Variants in MARCHF7 observed in about 807,000 individuals in gnomAD.
The protein encoded by MARCHF7 is E3 ubiquitin-protein ligase MARCHF7.
Under a neutral mutation model 76.5 loss-of-function variants are expected in MARCHF7, and 20 were observed. That is an observed-to-expected ratio of 0.26 (90% CI 0.18 to 0.38). The LOEUF (loss-of-function observed/expected upper bound fraction) is 0.38. Among genes scored for constraint, MARCHF7 ranks in the 10% least tolerant of loss-of-function variants. MARCHF7 has a pLI of 1.00. For missense variants in MARCHF7, 797 were observed against 812.9 expected, an observed-to-expected ratio of 0.98 and a Z score of 0.24; for synonymous variants, 295 against 293.0, an observed-to-expected ratio of 1.01 and a Z score of -0.07.
At chr2:159,734,043 AATG>A (rs1440027130) in intron 4 of MARCHF7, 15 of 1,356,356 alleles carry the variant, frequency 1.1e-5, no homozygotes, top group African/African-American at 1.4e-5. Context: ...TCACAATTTG[AATG>A]ATTGGCAACT....
chr2:159,762,721 ATTCT>A (rs902669149), intron 9 of MARCHF7, among the ~76,000 whole-genome samples, 155 bp from the exon 10 acceptor site: 2 of 152,188 alleles, frequency 1.3e-5, no homozygotes, highest in Non-Finnish European at 2.9e-5. Flanking sequence ...TTATAAAGAT[ATTCT>A]TTTTTTCTCA....
intron 4 of MARCHF7, chr2:159,734,053 A>T (rs1703150557): frequency 7.4e-7 from 1 of 1,358,456 alleles, no homozygotes; most frequent in African/African-American, 1.4e-5. Context: ...AATGATTGGC[A>T]ACTATGATCA....
intron 9 of MARCHF7, among the ~76,000 whole-genome samples, chr2:159,761,189 A>AT (rs1370635712): frequency 2.0e-5 from 3 of 150,908 alleles, no homozygotes; most frequent in Non-Finnish European, 3.0e-5. Flanking sequence ...CACCAGGCTA[A>AT]TTTTTTGAAT....
chr2:159,728,952 G>A, intron 3 of MARCHF7, 57 bp from the exon 4 acceptor site: 1 of 1,051,964 alleles, frequency 9.5e-7, no homozygotes, highest in Non-Finnish European at 1.4e-6. Flanking sequence ...GGAGGATTAA[G>A]CATTAAAGGC....
At position 159,722,755 on chromosome 2, in the gene MARCHF7, CA is replaced by C. The variant is rs1400742160; in HGVS notation, c.-14-6253del. On this transcript the variant is annotated intron_variant, in intron 3 of 11. Transcript: ENST00000409175. ...ACCTACAACTTACGCAACCAAATTA[CA>C]TAAGTTTTCATGTAACACCTACATT... Among the ~76,000 whole-genome samples, 118 of 152,202 alleles carry C rather than the reference CA, an allele frequency of 7.8e-4. 1 individual carries two copies. Among genetic ancestry groups the C allele is most frequent in the Non-Finnish European group, 2.8e-4 (19 of 68,028 alleles).
intron 3 of MARCHF7, among the ~76,000 whole-genome samples, chr2:159,727,189 G>T (rs1702270429): frequency 6.6e-6 from 1 of 152,166 alleles, no homozygotes. Flanking sequence ...GAACATTAGG[G>T]TAAGGGAAAT....
At chr2:159,713,343 C>T (rs1700506205) in intron 1 of MARCHF7, among the ~76,000 whole-genome samples, 1 of 152,170 alleles carries the variant, frequency 6.6e-6, no homozygotes. Flanking sequence ...CACCCCCTCA[C>T]CCCAAAATGC....
chr2:159,739,074 G>C (rs758271807), intron 4 of MARCHF7, among the ~76,000 whole-genome samples: 4 of 152,302 alleles, frequency 2.6e-5, no homozygotes, highest in African/African-American at 9.6e-5. Context: ...GCCCAAGCTT[G>C]GCCAAAACTT....
intron 8 of MARCHF7, among the ~76,000 whole-genome samples, chr2:159,758,486 T>G (rs921794840): frequency 2.0e-5 from 3 of 152,320 alleles, no homozygotes; most frequent in African/African-American, 7.2e-5. Flanking sequence ...AAGCAGTAAC[T>G]CCTTACTTCC....
intron 11 of MARCHF7, among the ~76,000 whole-genome samples, chr2:159,765,904 CTT>C (rs984557528): frequency 1.2e-4 from 18 of 152,224 alleles, no homozygotes; most frequent in East Asian, 1.2e-3. Context: ...ACAAAGGTCT[CTT>C]CTTTGTTTTT....
intron 9 of MARCHF7, among the ~76,000 whole-genome samples, 164 bp from the exon 10 acceptor site, chr2:159,762,714 TAA>T (rs1195074749): frequency 8.5e-5 from 13 of 152,340 alleles, no homozygotes; most frequent in Middle Eastern, 3.4e-3. Flanking sequence ...TATGAAATTA[TAA>T]AGATATTCTT....
intron 4 of MARCHF7, among the ~76,000 whole-genome samples, chr2:159,741,760 T>A (rs1407208440): frequency 2.0e-5 from 3 of 152,236 alleles, no homozygotes; most frequent in African/African-American, 7.2e-5. Context: ...ATAAACTATT[T>A]ACCACATACT....
At chr2:159,728,843 C>T (rs1346903930) in intron 3 of MARCHF7, among the ~76,000 whole-genome samples, 166 bp from the exon 4 acceptor site, 1 of 152,164 alleles carries the variant, frequency 6.6e-6, no homozygotes, top group East Asian at 1.9e-4. Context: ...CTTTGATGAA[C>T]TTCTGCTTTG....
chr2:159,755,918 C>A (rs1247384376), intron 8 of MARCHF7, among the ~76,000 whole-genome samples: 2 of 152,062 alleles, frequency 1.3e-5, no homozygotes, highest in African/African-American at 2.4e-5. Flanking sequence ...AGCAGTAGAC[C>A]CCTAGGGGGC....
intron 3 of MARCHF7, among the ~76,000 whole-genome samples, chr2:159,716,270 T>TG (rs1007547076): frequency 5.9e-5 from 9 of 151,868 alleles, no homozygotes; most frequent in African/African-American, 2.2e-4. Flanking sequence ...AAGCAGATTT[T>TG]TTTTTTTAAG....
intron 8 of MARCHF7, among the ~76,000 whole-genome samples, chr2:159,754,982 A>C (rs189026276): frequency 1.6e-4 from 24 of 152,278 alleles, no homozygotes; most frequent in African/African-American, 5.5e-4. Flanking sequence ...AATTTTTTTA[A>C]AGCAGTTTTC....
At chr2:159,745,698 A>G (rs1023991995) in intron 5 of MARCHF7, 72 bp from the exon 6 acceptor site, 4 of 994,560 alleles carry the variant, frequency 4.0e-6, no homozygotes, top group South Asian at 3.2e-5. Context: ...TTTCCTCTCT[A>G]TTACTGAAGA....
intron 3 of MARCHF7, among the ~76,000 whole-genome samples, chr2:159,722,992 A>G (rs1022370283): frequency 1.3e-5 from 2 of 152,200 alleles, no homozygotes; most frequent in African/African-American, 2.4e-5. Flanking sequence ...AGGAAACATT[A>G]TTGTTGTTAT....
Position 159,769,839 on chromosome 2 carries a change from A to G in MARCHF7, c.*2497A>G, listed in dbSNP as rs369905090. 6 of 152,238 alleles carry G rather than the reference A, an allele frequency of 3.9e-5. No homozygotes were observed. Among genetic ancestry groups the G allele is most frequent in the African/African-American group, 1.4e-4 (6 of 41,470 alleles). 9.4% of individuals were successfully genotyped at this position (152,238 alleles called of 1,614,324 possible). A position where few individuals can be genotyped will look rare whatever the true frequency, so the allele number is the denominator to read the frequency against. On this transcript the variant is annotated 3_prime_UTR_variant, in exon 12 of 12. Coordinates refer to ENST00000409175, the MANE Select transcript of MARCHF7 (RefSeq NM_001282805.2). ...TAGGATTTAAGAGCAGCACTGCCCA[A>G]TAAAACTTCCTATAATGAAAATGTT...
Sources: gnomAD v4.1 joint callset for allele counts (sites outside exome capture counted in the v4.1 genomes callset) on GRCh38, gnomAD v4.1.1 for gene constraint, MANE v1.5 for transcripts, NCBI Gene and HGNC (gene_info 2026-07-23, HGNC 2026-07-21) for gene names.